PTGER3: variants seen among roughly 807,000 people sequenced by gnomAD.
PTGER3 encodes the protein prostaglandin E2 receptor EP3 subtype.
In PTGER3, 22 loss-of-function variants were observed where a neutral mutation model predicts 34.7. That is an observed-to-expected ratio of 0.63 (90% CI 0.45 to 0.91). The LOEUF (loss-of-function observed/expected upper bound fraction) is 0.91. Among genes scored for constraint, PTGER3 ranks in the 40% least tolerant of loss-of-function variants. The probability of loss-of-function intolerance (pLI) is 0.00; values close to 1 mark genes in which losing one functional copy is unlikely to be tolerated. For missense variants in PTGER3, 468 were observed against 519.4 expected (o/e 0.90, Z 0.96); for synonymous variants, 241 against 230.1 (o/e 1.05, Z -0.43).
intron 4 of PTGER3, among the ~76,000 whole-genome samples, chr1:70,866,642 A>G (rs1646048315): frequency 6.6e-6 from 1 of 152,200 alleles, no homozygotes; most frequent in Non-Finnish European, 1.5e-5. Flanking sequence ...GCAGCCAAGC[A>G]TTTGGTAAAA....
chr1:70,931,066 A>T lies in PTGER3; in HGVS notation c.*23+22697T>A, dbSNP rs111383471. ...TACAATGGGGATATAGGTATTGGGTAAATACAGCCATTCCAAATGGGAGAA... is the reference window on the plus strand; with the variant it reads ...TACAATGGGGATATAGGTATTGGGTTAATACAGCCATTCCAAATGGGAGAA... On this transcript the variant is annotated intron_variant, in intron 4 of 4. Transcript: ENST00000370931. Among the ~76,000 whole-genome samples, 686 of 152,338 alleles carry T rather than the reference A, an allele frequency of 4.5e-3. 5 individuals are homozygous for T. The highest frequency in any genetic ancestry group is 0.015 in the African/African-American group (640 of 41,574).
chr1:70,861,093 A>T (rs983392540), intron 4 of PTGER3, among the ~76,000 whole-genome samples: 1 of 152,196 alleles, frequency 6.6e-6, no homozygotes, highest in Non-Finnish European at 1.5e-5. Context: ...AATTAAGTTT[A>T]CTGGGCACCT....
chr1:70,999,379 G>A (rs984858665), intron 2 of PTGER3, among the ~76,000 whole-genome samples: 1 of 152,148 alleles, frequency 6.6e-6, no homozygotes, highest in Non-Finnish European at 1.5e-5. Context: ...CAGTTGAAGA[G>A]AAAACTGGTG....
downstream of PTGER3, among the ~76,000 whole-genome samples, chr1:70,970,090 G>A (rs965430184): frequency 6.6e-6 from 1 of 152,108 alleles, no homozygotes; most frequent in Non-Finnish European, 1.5e-5. Context: ...TATCACTGCA[G>A]CAAATCTTTC....
intron 4 of PTGER3, among the ~76,000 whole-genome samples, chr1:70,876,614 C>A (rs949723166): frequency 4.6e-5 from 7 of 151,996 alleles, no homozygotes; most frequent in African/African-American, 1.7e-4. Context: ...TTTAATCCAT[C>A]TTGAGTTGAT....
At chr1:70,967,726 A>G (rs1652674854), downstream of PTGER3, among the ~76,000 whole-genome samples, 1 of 152,150 alleles carries the variant, frequency 6.6e-6, no homozygotes, top group Non-Finnish European at 1.5e-5. Context: ...TGTGCTTCCA[A>G]TTACAAAGGA....
At chr1:70,975,480 C>T (rs1198685485) in intron 2 of PTGER3, among the ~76,000 whole-genome samples, 1 of 152,078 alleles carries the variant, frequency 6.6e-6, no homozygotes, top group African/African-American at 2.4e-5. Context: ...AGTGTTTCTT[C>T]AGTCTTTTTT....
At chr1:71,024,753 C>T (rs1309012618) in intron 1 of PTGER3, among the ~76,000 whole-genome samples, 1 of 149,886 alleles carries the variant, frequency 6.7e-6, no homozygotes, top group Non-Finnish European at 1.5e-5. Flanking sequence ...TGGGGTTTCA[C>T]CGTGTTGACC....
intron 2 of PTGER3, chr1:71,005,800 T>A (rs1276813178): frequency 1.1e-6 from 1 of 922,838 alleles, no homozygotes; most frequent in Non-Finnish European, 1.3e-6. Context: ...CCCCATGGCC[T>A]GTAGGTTTAC....
intron 1 of PTGER3, among the ~76,000 whole-genome samples, chr1:71,020,476 A>T (rs534482312): frequency 3.9e-5 from 6 of 152,214 alleles, no homozygotes; most frequent in Admixed American, 6.6e-5. Flanking sequence ...ACACCTCTAC[A>T]GTTTTTTTTT....
At chr1:70,900,104 C>T (rs1163282934) in intron 4 of PTGER3, among the ~76,000 whole-genome samples, 1 of 152,148 alleles carries the variant, frequency 6.6e-6, no homozygotes, top group Non-Finnish European at 1.5e-5. Flanking sequence ...TTTTCTTCAG[C>T]ATGTTGTTGT....
At chr1:70,998,375 GTC>G (rs1656169115) in intron 2 of PTGER3, 1 of 152,164 alleles carries the variant, frequency 6.6e-6, no homozygotes, top group Admixed American at 6.5e-5. Flanking sequence ...AGCTATTTAA[GTC>G]CTAAATGCAA....
intron 4 of PTGER3, among the ~76,000 whole-genome samples, chr1:70,895,806 T>C (rs893274186): frequency 2.1e-4 from 32 of 152,200 alleles, no homozygotes; most frequent in Non-Finnish European, 4.0e-4. Flanking sequence ...GTAAGAACTA[T>C]AGTTTCAAAG....
intron 2 of PTGER3, among the ~76,000 whole-genome samples, chr1:70,981,334 TCTTTCTTTCTTTC>T (rs1293846087): frequency 2.0e-5 from 1 of 49,054 alleles, no homozygotes; most frequent in African/African-American, 8.5e-5. Context: ...TTTCTTTCTT[TCTTTCTTTCTTTC>T]TTTCTTTCTT....
At chr1:70,887,420 C>A (rs1034893456) in intron 4 of PTGER3, among the ~76,000 whole-genome samples, 3 of 152,160 alleles carry the variant, frequency 2.0e-5, no homozygotes, top group African/African-American at 7.2e-5. Flanking sequence ...TCTTTCTCTT[C>A]TTTCAACCCA....
intron 2 of PTGER3, among the ~76,000 whole-genome samples, chr1:71,004,654 C>T (rs1361814310): frequency 6.6e-6 from 1 of 152,166 alleles, no homozygotes; most frequent in South Asian, 2.1e-4. Context: ...GAGACAAAGA[C>T]TCACTTTAGG....
intron 3 of PTGER3, among the ~76,000 whole-genome samples, chr1:70,973,167 A>G (rs1487450345): frequency 6.6e-6 from 1 of 151,474 alleles, no homozygotes; most frequent in African/African-American, 2.4e-5. Flanking sequence ...ATAGACATAG[A>G]TAGATAGACA....
intron 1 of PTGER3, among the ~76,000 whole-genome samples, chr1:71,023,961 C>T (rs138804952): frequency 6.6e-6 from 1 of 151,946 alleles, no homozygotes; most frequent in East Asian, 1.9e-4. Context: ...CTGGCCCATG[C>T]TGCTGCTTAA....
chr1:70,996,129 G>A (rs1347774938), intron 2 of PTGER3, among the ~76,000 whole-genome samples: 1 of 152,034 alleles, frequency 6.6e-6, no homozygotes, highest in Non-Finnish European at 1.5e-5. Context: ...AGTTTACAGT[G>A]GCACACTGAA....
Sources: allele counts gnomAD v4.1 joint callset (sites outside exome capture counted in the v4.1 genomes callset), GRCh38; gene constraint gnomAD v4.1.1; transcripts MANE v1.5; gene names NCBI Gene and HGNC (gene_info 2026-07-23, HGNC 2026-07-21).